The following ARHGEF10 variants were observed in gnomAD, a reference collection of about 807,000 sequenced individuals.
ARHGEF10 encodes Rho guanine nucleotide exchange factor 10.
Under a neutral mutation model 147.4 loss-of-function variants are expected in ARHGEF10, and 140 were observed. That is an observed-to-expected ratio of 0.95 (90% CI 0.83 to 1.09). The LOEUF is 1.09. ARHGEF10 is among the 50% of genes least tolerant of loss of function. The pLI, the probability that ARHGEF10 is intolerant of heterozygous loss-of-function variation, is 0.00. For synonymous variants in ARHGEF10, 902 were observed against 695.8 expected (o/e 1.30, Z -4.67); for missense variants, 2,222 against 1,752.7 (o/e 1.27, Z -4.78).
intron 18 of ARHGEF10, among the ~76,000 whole-genome samples, chr8:1,917,051 G>C (rs1001283447): frequency 3.3e-5 from 5 of 152,236 alleles, no homozygotes; most frequent in African/African-American, 1.2e-4. Flanking sequence ...GATTGAAACT[G>C]AGTTTATTGC....
At chr8:1,931,368 TC>T (rs1470836215) in intron 25 of ARHGEF10, among the ~76,000 whole-genome samples, 1 of 152,250 alleles carries the variant, frequency 6.6e-6, no homozygotes, top group East Asian at 1.9e-4. Context: ...CCCCCTTTTT[TC>T]CCCTGGGTTT....
chr8:1,864,328 T>A (rs1224349844), intron 4 of ARHGEF10, 45 bp from the exon 5 acceptor site: 1 of 1,596,202 alleles, frequency 6.3e-7, no homozygotes, highest in Non-Finnish European at 8.6e-7. Context: ...TCATGAGCAT[T>A]TTTGTCAGGC....
chr8:1,921,742 A>AT, intron 18 of ARHGEF10, among the ~76,000 whole-genome samples: 1 of 151,710 alleles, frequency 6.6e-6, no homozygotes, highest in South Asian at 2.1e-4. Context: ...TCTCAAAAAA[A>AT]AAGAAAAAAG....
chr8:1,839,854 C>G (rs1803866445), intron 1 of ARHGEF10, among the ~76,000 whole-genome samples: 1 of 146,736 alleles, frequency 6.8e-6, no homozygotes, highest in African/African-American at 2.6e-5. Context: ...TGGAAGCTGT[C>G]TGGTGTGGGG....
chr8:1,847,059 C>T (rs6981650), intron 2 of ARHGEF10, among the ~76,000 whole-genome samples: 1 of 152,166 alleles, frequency 6.6e-6, no homozygotes, highest in Non-Finnish European at 1.5e-5. Context: ...CATTCCTCAC[C>T]TTTACCAGGT....
chr8:1,869,332 A>G (rs1267763185), intron 7 of ARHGEF10, 82 bp downstream of exon 7: 7 of 1,175,072 alleles, frequency 6.0e-6, no homozygotes, highest in African/African-American at 1.5e-5. Flanking sequence ...TATTTAGTGG[A>G]CGGCCCAGAC....
intron 27 of ARHGEF10, chr8:1,945,968 A>G (rs1450362479): frequency 2.0e-6 from 1 of 499,962 alleles, no homozygotes; most frequent in African/African-American, 2.0e-5. Context: ...ATTTCTCATC[A>G]TCGGTGCAAC....
chr8:1,878,472 A>G (rs1807897334), intron 8 of ARHGEF10, among the ~76,000 whole-genome samples: 1 of 152,216 alleles, frequency 6.6e-6, no homozygotes, highest in African/African-American at 2.4e-5. Flanking sequence ...GGCATGAGCC[A>G]CTGCACCCGG....
intron 17 of ARHGEF10, among the ~76,000 whole-genome samples, chr8:1,907,623 C>T (rs761692923): frequency 3.2e-4 from 49 of 152,186 alleles, no homozygotes; most frequent in African/African-American, 6.3e-4. Flanking sequence ...CGCTGCCAGA[C>T]GTGGTGTACT....
chr8:1,880,311 C>G (rs906956210), intron 9 of ARHGEF10, 147 bp downstream of exon 9: 1 of 680,436 alleles, frequency 1.5e-6, no homozygotes, highest in African/African-American at 1.8e-5. Context: ...TTGGGGCTCA[C>G]GTGGACTCTG....
intron 9 of ARHGEF10, among the ~76,000 whole-genome samples, chr8:1,881,572 G>GGACGTGATGTTAACGCCGTC (rs575028804): frequency 0.024 from 3,627 of 152,288 alleles, 54 homozygotes; most frequent in African/African-American, 0.05. Flanking sequence ...AGCCCCCGGG[G>GGACGTGATGTTAACGCCGTC]GATGGGGGAC....
At chr8:1,901,962 G>C (rs1585466002) in intron 15 of ARHGEF10, among the ~76,000 whole-genome samples, 1 of 148,158 alleles carries the variant, frequency 6.7e-6, no homozygotes, top group Non-Finnish European at 1.5e-5. Context: ...ACATGTCAAA[G>C]ATGGTAGGCA....
Position 1,876,599 on chromosome 8 carries a change from T to G in ARHGEF10, c.708T>G (p.Asn236Lys), listed in dbSNP as rs778508278. 4 of 1,614,078 alleles carry G rather than the reference T, an allele frequency of 2.5e-6. No individual in the cohort carries two copies. The African/African-American group carries it at 5.3e-5, about 22-fold the overall frequency. The change falls in exon 8 of 29, where the codon AAT (asparagine) becomes AAG (lysine). Residue 236 changes from asparagine (N) to lysine (K), a missense_variant. Transcript: ENST00000349830. Reference protein sequence around the residue: ...PDEMIYDDVENGDEGGNSSLE... With the variant: ...PDEMIYDDVEKGDEGGNSSLE... The stretch of plus-strand genomic sequence containing the variant: ...AAATGATTTATGATGATGTTGAGAA[T>G]GGGGATGAAGGTGGAAACAGCTCCT...
chr8:1,873,033 A>G (rs1437858292), intron 7 of ARHGEF10, among the ~76,000 whole-genome samples: 2 of 152,354 alleles, frequency 1.3e-5, no homozygotes, highest in African/African-American at 4.8e-5. Context: ...GGTGACTCAG[A>G]AGCCAACACA....
intron 27 of ARHGEF10, among the ~76,000 whole-genome samples, chr8:1,950,824 C>A (rs1269775475): frequency 2.0e-5 from 3 of 150,806 alleles, no homozygotes; most frequent in African/African-American, 7.3e-5. Flanking sequence ...AGGGGATCCA[C>A]CCACCTCGGC....
rs557219399 is a variant in ARHGEF10 at position 1,839,184 on chromosome 8, C to T, written c.-47-4169C>T. 5.2e-4 allele frequency among the ~76,000 whole-genome samples: 70 copies of T among 134,314 alleles called. 4 individuals are homozygous for T. Among genetic ancestry groups the T allele is most frequent in the African/African-American group, 1.7e-3 (56 of 32,292 alleles). 88.1% of individuals were successfully genotyped at this position (134,314 alleles called of 152,430 possible). On this transcript the variant is annotated intron_variant, in intron 1 of 28. Transcript: ENST00000349830. The stretch of plus-strand genomic sequence containing the variant: ...GTGTGGGGACAGTCTGGTGTGGGGA[C>T]TGTCTGATGTGGGGACTGTTTTGTG...
chr8:1,880,768 C>T (rs1264254973), intron 9 of ARHGEF10, among the ~76,000 whole-genome samples: 1 of 152,174 alleles, frequency 6.6e-6, no homozygotes, highest in Non-Finnish European at 1.5e-5. Flanking sequence ...GTACTGTTTC[C>T]TGCAATTGGA....
chr8:1,909,458 A>C lies in ARHGEF10; in HGVS notation c.2131A>C (p.Asn711His), dbSNP rs772418903. The C allele has an allele frequency of 6.2e-7, 1 of 1,613,944 alleles. No individual in the cohort carries two copies. The highest frequency in any genetic ancestry group is 1.3e-5 in the African/African-American group (1 of 74,952). ...HPPESLAVVA[N>H]AKPNKVYMGP... is the part of the protein sequence containing the mutation. ...GCCGGAGAGCCTGGCCGTGGTTGCTAACGCGAAACCAAGTAAGTGATGCTT... is the reference window on the plus strand; with the variant it reads ...GCCGGAGAGCCTGGCCGTGGTTGCTCACGCGAAACCAAGTAAGTGATGCTT... Residue 711 changes from asparagine to histidine, a missense_variant, in exon 18 of 29, where the codon AAC (asparagine) becomes CAC (histidine). Transcript: ENST00000349830.
chr8:1,870,392 C>T (rs1807012836), intron 7 of ARHGEF10: 1 of 152,024 alleles, frequency 6.6e-6, no homozygotes, highest in Admixed American at 6.6e-5. Flanking sequence ...GAAAGCTTTG[C>T]AAATCATATG....
Sources: gnomAD v4.1 joint callset for allele counts (sites outside exome capture counted in the v4.1 genomes callset) on GRCh38, gnomAD v4.1.1 for gene constraint, MANE v1.5 for transcripts, NCBI Gene and HGNC (gene_info 2026-07-23, HGNC 2026-07-21) for gene names.